The following STARD13 variants were observed in gnomAD, a reference collection of about 807,000 sequenced individuals.
STARD13 encodes StAR related lipid transfer domain containing 13.
A neutral mutation model predicts 106.4 loss-of-function variants in STARD13; 62 were observed. The observed-to-expected ratio is 0.58, with a 90% CI of 0.48 to 0.72. The LOEUF is 0.72. Ranked by LOEUF, STARD13 falls within the 30% of genes least tolerant of loss-of-function variation. The pLI is 0.00. For synonymous variants in STARD13, 565 were observed against 553.0 expected, an observed-to-expected ratio of 1.02 and a Z score of -0.31; for missense variants, 1,387 against 1,424.0, an observed-to-expected ratio of 0.97 and a Z score of 0.42.
At chr13:33,410,847 C>T in the STARD13 span, among the ~76,000 whole-genome samples, 21 of 152,162 alleles carry the variant, frequency 1.4e-4, no homozygotes, top group Admixed American at 1.1e-3. Context: ...GTGGCCTCTC[C>T]CAGCCTCAAC....
chr13:33,558,603 G>A, the STARD13 span, among the ~76,000 whole-genome samples: 1 of 152,072 alleles, frequency 6.6e-6, no homozygotes, highest in Non-Finnish European at 1.5e-5. Context: ...GAAAGAAATA[G>A]AAAGGAATTA....
intron 13 of STARD13, 147 bp downstream of exon 13, chr13:33,106,611 A>G: frequency 3.2e-6 from 2 of 618,536 alleles, no homozygotes; most frequent in Non-Finnish European, 5.3e-6. Context: ...GAGGGGAGGC[A>G]TACATATCCA....
At chr13:33,499,514 C>CTT in the STARD13 span, among the ~76,000 whole-genome samples, 2 of 107,092 alleles carry the variant, frequency 1.9e-5, no homozygotes, top group Non-Finnish European at 3.8e-5. Flanking sequence ...TCTTCTTCTT[C>CTT]TTTCTTTCTT....
At chr13:33,433,297 C>T in the STARD13 span, among the ~76,000 whole-genome samples, 1 of 152,200 alleles carries the variant, frequency 6.6e-6, no homozygotes, top group Non-Finnish European at 1.5e-5. Context: ...AAGAACTGCT[C>T]CTATCTCCCA....
chr13:33,531,765 G>A, the STARD13 span, among the ~76,000 whole-genome samples: 1 of 152,070 alleles, frequency 6.6e-6, no homozygotes, highest in Non-Finnish European at 1.5e-5. Flanking sequence ...AAGACTACAG[G>A]ACTTTTACTT....
chr13:33,204,397 T>C (rs1367067763), intron 1 of STARD13, among the ~76,000 whole-genome samples: 2 of 152,202 alleles, frequency 1.3e-5, no homozygotes, highest in Non-Finnish European at 2.9e-5. Flanking sequence ...TTCCTTCCTC[T>C]CATTTTTCAC....
At chr13:33,468,213 C>T in the STARD13 span, among the ~76,000 whole-genome samples, 2 of 152,166 alleles carry the variant, frequency 1.3e-5, no homozygotes, top group Non-Finnish European at 2.9e-5. Context: ...ATTTTTCTTT[C>T]CATTCTACTT....
chr13:33,626,088 G>A, the STARD13 span, among the ~76,000 whole-genome samples: 1 of 152,158 alleles, frequency 6.6e-6, no homozygotes, highest in African/African-American at 2.4e-5. Flanking sequence ...TTATATGAGA[G>A]ACTCTTGGCA....
At position 33,173,118 on chromosome 13, in the gene STARD13, T is replaced by C. The variant is rs149089909; in HGVS notation, c.170-5496A>G. On this transcript the variant is annotated intron_variant, in intron 1 of 13. Transcript: ENST00000336934. Reference sequence around the variant, plus strand: ...GCAGGATGACTCAGCCACCACAAGATGCCTGCAGTGGATGAAATTATCACT... The same window carrying C: ...GCAGGATGACTCAGCCACCACAAGACGCCTGCAGTGGATGAAATTATCACT... Among the ~76,000 whole-genome samples, 9 of 152,320 alleles carry C rather than the reference T, an allele frequency of 5.9e-5. No individual in the cohort carries two copies. The East Asian group carries it at 9.6e-4, about 16-fold the overall frequency.
Position 33,170,049 on chromosome 13 carries a change from CAA to C in STARD13, c.170-2429_170-2428del, listed in dbSNP as rs61561776. Reference sequence around the variant, plus strand: ...GAGAGGTGGGGATCATTAATGGGTACAAAAAAAAATTAGAAAGAATGAATAAG... The same window carrying C: ...GAGAGGTGGGGATCATTAATGGGTACAAAAAAATTAGAAAGAATGAATAAG... On this transcript the variant is annotated intron_variant, in intron 1 of 13. Coordinates refer to ENST00000336934, the MANE Select transcript of STARD13 (RefSeq NM_178006.4). Among the ~76,000 whole-genome samples, 16 of 151,554 alleles carry C rather than the reference CAA, an allele frequency of 1.1e-4. No homozygotes were observed. In the South Asian group the frequency reaches 2.9e-3, roughly 28 times the overall value.
At chr13:33,186,770 A>C (rs1885804754) in intron 1 of STARD13, among the ~76,000 whole-genome samples, 1 of 152,014 alleles carries the variant, frequency 6.6e-6, no homozygotes. Flanking sequence ...ATAGCAAAAC[A>C]AAATGAAACA....
chr13:33,242,209 G>T (rs1160911404), intron 1 of STARD13, among the ~76,000 whole-genome samples: 1 of 152,124 alleles, frequency 6.6e-6, no homozygotes, highest in Non-Finnish European at 1.5e-5. Flanking sequence ...TCCGGGAGGT[G>T]GGGGGCAGCC....
chr13:33,124,141 A>T (rs918947881), intron 7 of STARD13, among the ~76,000 whole-genome samples: 1 of 152,180 alleles, frequency 6.6e-6, no homozygotes, highest in South Asian at 2.1e-4. Context: ...CGGAAAAGCC[A>T]GGTTTTGATT....
chr13:33,133,950 T>C (rs76788569), intron 4 of STARD13, among the ~76,000 whole-genome samples: 1,685 of 146,720 alleles, frequency 0.011, 31 homozygotes, highest in African/African-American at 0.039. Context: ...ATCTGTTTGA[T>C]AATTTTTGAG....
the STARD13 span, among the ~76,000 whole-genome samples, chr13:33,605,580 T>C: frequency 2.8e-4 from 43 of 152,294 alleles, no homozygotes; most frequent in Non-Finnish European, 3.8e-4. Flanking sequence ...TTTCTGTACT[T>C]ACTTTGTGGC....
At chr13:33,122,768 G>A (rs1002043768) in intron 7 of STARD13, among the ~76,000 whole-genome samples, 2 of 151,984 alleles carry the variant, frequency 1.3e-5, no homozygotes, top group Non-Finnish European at 2.9e-5. Context: ...AAAAAGCAAG[G>A]ACTCAGCTGG....
At chr13:33,463,559 C>G in the STARD13 span, among the ~76,000 whole-genome samples, 1 of 152,114 alleles carries the variant, frequency 6.6e-6, no homozygotes, top group Admixed American at 6.5e-5. Flanking sequence ...CCTCCAGAGT[C>G]GAGTCCTGCC....
chr13:33,393,082 G>A, the STARD13 span, among the ~76,000 whole-genome samples: 1 of 152,178 alleles, frequency 6.6e-6, no homozygotes, highest in Non-Finnish European at 1.5e-5. Context: ...TTTAAATGCT[G>A]GCCTGGCTTT....
the STARD13 span, among the ~76,000 whole-genome samples, chr13:33,545,369 A>G: frequency 1.3e-5 from 2 of 152,202 alleles, no homozygotes; most frequent in Admixed American, 1.3e-4. Flanking sequence ...TGCTGGGATT[A>G]CAGGCGTGAG....
Sources: allele counts gnomAD v4.1 joint callset (sites outside exome capture counted in the v4.1 genomes callset), GRCh38; gene constraint gnomAD v4.1.1; transcripts MANE v1.5; gene names NCBI Gene and HGNC (gene_info 2026-07-23, HGNC 2026-07-21).